The following KATNA1 variants were observed in gnomAD, a reference collection of about 807,000 sequenced individuals.
KATNA1 encodes the protein katanin p60 ATPase-containing subunit A1.
In KATNA1, 42 loss-of-function variants were observed where a neutral mutation model predicts 62.6. The ratio of observed to expected loss-of-function variants is 0.67; its 90% CI spans 0.52 to 0.87. KATNA1 has a LOEUF of 0.87. Among genes scored for constraint, KATNA1 ranks in the 40% least tolerant of loss-of-function variants. KATNA1 has a pLI of 0.00. For missense variants in KATNA1, 498 were observed against 612.5 expected (o/e 0.81, Z 1.97); for synonymous variants, 186 against 201.9 (o/e 0.92, Z 0.67).
rs956244238 is a variant in KATNA1, at chr6:149,604,649, G to A, written c.623+12C>T. The stretch of plus-strand genomic sequence containing the variant: ...CACCAGCACCCAATTATTTGGTTGT[G>A]ATATAACTTACCATCGAACATTGGG... On this transcript the variant is annotated intron_variant, in intron 5 of 10. Transcript: ENST00000367411. 6.2e-7 allele frequency: 1 copy of A among 1,613,354 alleles called. No individual in the cohort carries two copies.
chr6:149,626,994 AATAAT>A (rs1779638875), intron 3 of KATNA1, among the ~76,000 whole-genome samples: 1 of 151,744 alleles, frequency 6.6e-6, no homozygotes. Flanking sequence ...AAAAAATAAT[AATAAT>A]AATTTCAACA....
At chr6:149,619,925 C>A (rs562400272) in intron 4 of KATNA1, among the ~76,000 whole-genome samples, 2 of 151,522 alleles carry the variant, frequency 1.3e-5, no homozygotes, top group East Asian at 2.0e-4. Context: ...AAGTTCCTAT[C>A]GACAGATGAA....
intron 4 of KATNA1, among the ~76,000 whole-genome samples, chr6:149,611,017 G>A (rs974194868): frequency 2.0e-5 from 3 of 152,206 alleles, no homozygotes; most frequent in African/African-American, 7.2e-5. Context: ...GGGAGGTGGT[G>A]GTTGCAGTGA....
intron 4 of KATNA1, among the ~76,000 whole-genome samples, chr6:149,611,747 C>T (rs987477069): frequency 6.6e-6 from 1 of 152,126 alleles, no homozygotes; most frequent in African/African-American, 2.4e-5. Flanking sequence ...TGCCTGTAAT[C>T]CCAGCACTTT....
In KATNA1 at chr6:149,595,069, G is replaced by A. The variant is rs371724006; in HGVS notation, c.1443C>T (p.Tyr481=). Residue 481 remains tyrosine, a synonymous_variant, in exon 11 of 11, where the codon TAC becomes TAT. Coordinates refer to ENST00000367411, the MANE Select transcript of KATNA1 (RefSeq NM_007044.4). ...KSVSAADIER[Y]EKWIFEFGSC ...ATCCAAACTCAAATATCCATTTCTC[G>A]TATCTTTCAATGTCTGCAGCAGACA... 14 of 1,613,732 alleles carry A rather than the reference G, an allele frequency of 8.7e-6. No individual in the cohort carries two copies. The African/African-American group carries it at 9.3e-5, about 11-fold the overall frequency.
intron 4 of KATNA1, among the ~76,000 whole-genome samples, chr6:149,610,708 C>T (rs1434872465): frequency 6.6e-6 from 1 of 152,248 alleles, no homozygotes; most frequent in Middle Eastern, 3.4e-3. Flanking sequence ...TAAAGCAGTG[C>T]TGAGAGGGCA....
chr6:149,601,603 C>T lies in KATNA1; in HGVS notation c.879G>A (p.Leu293=). ...RGESEKLVRL[L]FEMARFYSPA... ...TGTCTCAAACATTCACCATTTCAAA[C>T]AGAAGACGAACAAGCTTCTCAGATT... The change falls in exon 7 of 11, where the codon CTG becomes CTA. Residue 293 remains leucine (L), a synonymous_variant. Coordinates refer to ENST00000367411, the MANE Select transcript of KATNA1 (RefSeq NM_007044.4). 1 of 1,604,224 alleles carries T rather than the reference C, an allele frequency of 6.2e-7. No individual in the cohort carries two copies. Among genetic ancestry groups the T allele is most frequent in the Middle Eastern group, 1.7e-4 (1 of 6,020 alleles).
chr6:149,622,132 G>T (rs1056450938), intron 4 of KATNA1, among the ~76,000 whole-genome samples: 316 of 142,320 alleles, frequency 2.2e-3, no homozygotes, highest in African/African-American at 2.7e-3. Flanking sequence ...TGTTTTTTTT[G>T]TTTTTTTTTT....
chr6:149,628,199 G>A (rs946700776), intron 3 of KATNA1, among the ~76,000 whole-genome samples: 4 of 150,688 alleles, frequency 2.7e-5, no homozygotes, highest in East Asian at 2.0e-4. Flanking sequence ...CTGGGTTCAC[G>A]CCATTCTCCT....
chr6:149,625,802 T>A (rs1001386539), intron 3 of KATNA1, among the ~76,000 whole-genome samples: 2 of 150,642 alleles, frequency 1.3e-5, no homozygotes, highest in Non-Finnish European at 3.0e-5. Context: ...GGCATGGTGC[T>A]GTGGACCTGT....
intron 3 of KATNA1, among the ~76,000 whole-genome samples, chr6:149,629,261 C>T (rs1420038663): frequency 6.6e-6 from 1 of 152,122 alleles, no homozygotes; most frequent in Non-Finnish European, 1.5e-5. Context: ...CCCCAAAGTT[C>T]ATATGTTAAA....
At chr6:149,631,162 G>A (rs911936351) in intron 3 of KATNA1, among the ~76,000 whole-genome samples, 6 of 152,184 alleles carry the variant, frequency 3.9e-5, no homozygotes, top group Non-Finnish European at 8.8e-5. Context: ...CACTTTAGGA[G>A]GCCAAGGTGG....
Position 149,597,193 on chromosome 6 carries a change from A to G in KATNA1, c.1151-4T>C, listed in dbSNP as rs1207887916. ...AATAGCTCCTCCCTGCCTTTTGCTA[A>G]TGGTAGAAACAAATTTTAAAATGTA... is the stretch of plus-strand genomic sequence containing the variant. On this transcript the variant is annotated splice_region_variant and splice_polypyrimidine_tract_variant and intron_variant, in intron 9 of 10. Coordinates refer to ENST00000367411, the MANE Select transcript of KATNA1 (RefSeq NM_007044.4). The G allele has an allele frequency of 6.2e-6, 10 of 1,612,704 alleles. No individual in the cohort carries two copies. The highest frequency in any genetic ancestry group is 8.5e-6 in the Non-Finnish European group (10 of 1,179,630).
At chr6:149,639,366 T>A (rs533640113) in intron 1 of KATNA1, among the ~76,000 whole-genome samples, 3 of 151,292 alleles carry the variant, frequency 2.0e-5, no homozygotes, top group South Asian at 4.2e-4. Flanking sequence ...TTTGGGAGGC[T>A]GAGGTGGGTG....
At chr6:149,648,167 C>T (rs979041030) in intron 1 of KATNA1, among the ~76,000 whole-genome samples, 1 of 152,216 alleles carries the variant, frequency 6.6e-6, no homozygotes, top group Admixed American at 6.5e-5. Context: ...CTGGAGAGAA[C>T]CAGTCGAAAA....
chr6:149,641,771 A>G (rs1780300577), intron 1 of KATNA1, among the ~76,000 whole-genome samples: 1 of 152,264 alleles, frequency 6.6e-6, no homozygotes, highest in South Asian at 2.1e-4. Context: ...AATGGACAAA[A>G]GTACCTCACA....
At position 149,644,290 on chromosome 6, in the gene KATNA1, C is replaced by T. The variant is rs78576461; in HGVS notation, c.-14+4179G>A. ...CTCTCTCCCTCTTTTCCTTAATAGTCTCCCTGGAGATCTTTCTTCCCATTT... is the reference window on the plus strand; with the variant it reads ...CTCTCTCCCTCTTTTCCTTAATAGTTTCCCTGGAGATCTTTCTTCCCATTT... On this transcript the variant is annotated intron_variant, in intron 1 of 10. Coordinates refer to ENST00000367411, the MANE Select transcript of KATNA1 (RefSeq NM_007044.4). Among the ~76,000 whole-genome samples the T allele has an allele frequency of 3.6e-3, 551 of 151,838 alleles. 3 individuals are homozygous for T. Among genetic ancestry groups the T allele is most frequent in the African/African-American group, 0.013 (525 of 41,278 alleles).
rs540826919 is a variant in KATNA1 at position 149,597,885 on chromosome 6, T to C, written c.1016-244A>G. The stretch of plus-strand genomic sequence containing the variant: ...ATCGAAAAGCCAGATCTCAAATACA[T>C]AACAATTTTAAATCTTTTTCAAAGC... On this transcript the variant is annotated intron_variant, in intron 8 of 10. Transcript: ENST00000367411. Among the ~76,000 whole-genome samples the C allele has an allele frequency of 8.5e-5, 13 of 152,278 alleles. No homozygotes were observed. In the East Asian group the frequency reaches 2.5e-3, roughly 29 times the overall value.
chr6:149,641,017 T>A (rs1018123014), intron 1 of KATNA1, among the ~76,000 whole-genome samples: 2 of 151,212 alleles, frequency 1.3e-5, no homozygotes, highest in Non-Finnish European at 2.9e-5. Context: ...ATTACAGGCA[T>A]GTGCCAACAC....
Sources: gnomAD v4.1 joint callset for allele counts (sites outside exome capture counted in the v4.1 genomes callset) on GRCh38, gnomAD v4.1.1 for gene constraint, MANE v1.5 for transcripts, NCBI Gene and HGNC (gene_info 2026-07-23, HGNC 2026-07-21) for gene names.